The following STXBP3 variants were observed in gnomAD, a reference collection of about 807,000 sequenced individuals.
STXBP3 encodes the protein syntaxin binding protein 3, also known as syntaxin-binding protein 3.
In STXBP3, 41 loss-of-function variants were observed where a neutral mutation model predicts 85.7. The observed-to-expected ratio is 0.48, with a 90% CI of 0.37 to 0.62. The LOEUF is 0.62. Ranked by LOEUF, STXBP3 falls within the 20% of genes least tolerant of loss-of-function variation. The pLI is 0.00. For missense variants in STXBP3, 563 were observed against 703.1 expected (o/e 0.80, Z 2.25); for synonymous variants, 229 against 231.7 (o/e 0.99, Z 0.10).
rs1480007027 is a variant in STXBP3, at chr1:108,786,858, A to T, written c.963+4152A>T. Among the ~76,000 whole-genome samples, 3 of 152,338 alleles carry T rather than the reference A, an allele frequency of 2.0e-5. No homozygotes were observed. The East Asian group carries it at 5.8e-4, about 29-fold the overall frequency. ...TGGGATTACATGAATCTGTACACTA[A>T]TTTGGGAAGAACTGACAAAAATATT... is the stretch of plus-strand genomic sequence containing the variant. On this transcript the variant is annotated intron_variant, in intron 11 of 18. Transcript: ENST00000370008.
At chr1:108,769,336 T>C (rs1662333262) in intron 6 of STXBP3, among the ~76,000 whole-genome samples, 1 of 152,076 alleles carries the variant, frequency 6.6e-6, no homozygotes, top group Non-Finnish European at 1.5e-5. Flanking sequence ...GGCACACTCT[T>C]TGTAACTTTT....
At chr1:108,753,853 C>T (rs1316253325) in intron 3 of STXBP3, among the ~76,000 whole-genome samples, 4 of 151,996 alleles carry the variant, frequency 2.6e-5, no homozygotes, top group Non-Finnish European at 5.9e-5. Flanking sequence ...TAAATACTCT[C>T]ATTTGTAATG....
rs1663406969 is a variant in STXBP3 at position 108,809,351 on chromosome 1, T to C, written c.*474T>C. ...TTTCTTTCAACTAAAATTCAGTTTATGTGTAAAATAATTCAGTCATTAATA... is the reference window on the plus strand; with the variant it reads ...TTTCTTTCAACTAAAATTCAGTTTACGTGTAAAATAATTCAGTCATTAATA... On this transcript the variant is annotated 3_prime_UTR_variant, in exon 19 of 19. Transcript: ENST00000370008. The C allele has an allele frequency of 6.5e-6, 1 of 153,376 alleles. No homozygotes were observed. Among genetic ancestry groups the C allele is most frequent in the Admixed American group, 6.5e-5 (1 of 15,294 alleles). The allele number at this position is 153,376 out of a possible 1,614,324, so 9.5% of individuals were successfully genotyped here.
chr1:108,782,296 CT>C, intron 9 of STXBP3, 125 bp from the exon 10 acceptor site: 1 of 710,894 alleles, frequency 1.4e-6, no homozygotes, highest in Admixed American at 2.9e-5. Flanking sequence ...CATTACCCCC[CT>C]AAAATAGTGG....
At chr1:108,752,980 A>G in intron 2 of STXBP3, 83 bp from the exon 3 acceptor site, 1 of 1,062,772 alleles carries the variant, frequency 9.4e-7, no homozygotes, top group South Asian at 2.0e-5. Context: ...TAAAAGGCTT[A>G]TAAAGTTTAA....
chr1:108,772,464 T>A (rs548411002), intron 6 of STXBP3, among the ~76,000 whole-genome samples: 1 of 144,604 alleles, frequency 6.9e-6, no homozygotes, highest in African/African-American at 2.5e-5. Flanking sequence ...TAAATACATA[T>A]ATCTATCTGT....
At position 108,758,501 on chromosome 1, in the gene STXBP3, T is replaced by G. The variant is rs1243464560; in HGVS notation, c.259-9T>G. On this transcript the variant is annotated splice_polypyrimidine_tract_variant and intron_variant, in intron 4 of 18. Coordinates refer to ENST00000370008, the MANE Select transcript of STXBP3 (RefSeq NM_007269.4). ...ATAAAATGTGTATTAACATCTAACC[T>G]TTTTTAAGTCTGTAGATTGTTTCTT... 1 of 1,463,356 alleles carries G rather than the reference T, an allele frequency of 6.8e-7. No homozygotes were observed. The highest frequency in any genetic ancestry group is 9.2e-7 in the Non-Finnish European group (1 of 1,082,732). 90.6% of individuals were successfully genotyped at this position (1,463,356 alleles called of 1,614,324 possible). A position where few individuals can be genotyped will look rare whatever the true frequency, so the allele number is the denominator to read the frequency against.
At chr1:108,807,273 A>AC (rs1435326848) in intron 17 of STXBP3, 128 bp from the exon 18 acceptor site, 2 of 726,962 alleles carry the variant, frequency 2.8e-6, no homozygotes, top group East Asian at 6.7e-5. Context: ...AAAAAAAAAA[A>AC]AAAAAAAATC....
At chr1:108,789,017 T>C (rs1054012149) in intron 11 of STXBP3, among the ~76,000 whole-genome samples, 1 of 152,092 alleles carries the variant, frequency 6.6e-6, no homozygotes, top group Non-Finnish European at 1.5e-5. Context: ...TGAGCCAAGA[T>C]AGTGCCACTG....
intron 6 of STXBP3, chr1:108,766,845 A>G: frequency 2.5e-6 from 1 of 404,214 alleles, no homozygotes; most frequent in Admixed American, 3.0e-5. Flanking sequence ...TTGCTTTAAG[A>G]GGGCATACTG....
chr1:108,754,033 C>CTTTTT (rs35931069), intron 3 of STXBP3, among the ~76,000 whole-genome samples: 6 of 133,798 alleles, frequency 4.5e-5, no homozygotes, highest in Admixed American at 7.6e-5. Flanking sequence ...ATAAAATAAT[C>CTTTTT]TTTTTTTTTT....
At chr1:108,777,779 C>G (rs1570761641) in intron 8 of STXBP3, among the ~76,000 whole-genome samples, 1 of 152,104 alleles carries the variant, frequency 6.6e-6, no homozygotes, top group African/African-American at 2.4e-5. Flanking sequence ...ATTTTTGAAG[C>G]CTTCCTTGAC....
At position 108,782,636 on chromosome 1, in the gene STXBP3, CACAATTTG is replaced by C; in HGVS notation, c.906-9_906-2del. 2 of 1,602,612 alleles carry C rather than the reference CACAATTTG, an allele frequency of 1.2e-6. No individual in the cohort carries two copies. The highest frequency in any genetic ancestry group is 1.7e-6 in the Non-Finnish European group (2 of 1,176,686). Reference sequence around the variant, plus strand: ...ATCTTAGAAATTTAAAGAATTCTCTCACAATTTGACAGGGAAATTCCCAAGCTTATGAA... The same window carrying C: ...ATCTTAGAAATTTAAAGAATTCTCTCACAGGGAAATTCCCAAGCTTATGAA... On this transcript the variant is annotated splice_region_variant and splice_polypyrimidine_tract_variant and intron_variant, in intron 10 of 18. Transcript: ENST00000370008.
intron 8 of STXBP3, among the ~76,000 whole-genome samples, chr1:108,777,854 A>G (rs887848752): frequency 1.1e-4 from 17 of 152,090 alleles, no homozygotes; most frequent in Admixed American, 2.0e-4. Context: ...TATAGAATTT[A>G]TATTGCACTT....
intron 17 of STXBP3, among the ~76,000 whole-genome samples, chr1:108,806,222 G>A (rs1480093358): frequency 6.6e-6 from 1 of 152,190 alleles, no homozygotes; most frequent in South Asian, 2.1e-4. Context: ...ACTTTCTGCA[G>A]TGATAGAAAG....
intron 17 of STXBP3, among the ~76,000 whole-genome samples, chr1:108,805,799 G>A (rs1186946382): frequency 6.6e-6 from 1 of 152,174 alleles, no homozygotes; most frequent in African/African-American, 2.4e-5. Context: ...TGAGGCTGAG[G>A]TGGGAGGATT....
At chr1:108,785,480 G>A (rs574714540) in intron 11 of STXBP3, among the ~76,000 whole-genome samples, 1 of 152,224 alleles carries the variant, frequency 6.6e-6, no homozygotes, top group South Asian at 2.1e-4. Context: ...CCTGACCCAC[G>A]AAACCATTTT....
chr1:108,806,322 G>A (rs1341276269), intron 17 of STXBP3, among the ~76,000 whole-genome samples: 1 of 152,088 alleles, frequency 6.6e-6, no homozygotes, highest in African/African-American at 2.4e-5. Context: ...ATGAAGAACT[G>A]AATTTCTTAT....
chr1:108,804,360 T>C (rs1387341168), intron 17 of STXBP3, among the ~76,000 whole-genome samples: 1 of 152,162 alleles, frequency 6.6e-6, no homozygotes, highest in Admixed American at 6.5e-5. Context: ...GAAGTTCTCA[T>C]GTTTCTTTTT....
Sources: allele counts gnomAD v4.1 joint callset (sites outside exome capture counted in the v4.1 genomes callset), GRCh38; gene constraint gnomAD v4.1.1; transcripts MANE v1.5; gene names NCBI Gene and HGNC (gene_info 2026-07-23, HGNC 2026-07-21).